PTK2B: variants seen among roughly 807,000 people sequenced by gnomAD.
The protein encoded by PTK2B is protein-tyrosine kinase 2-beta.
In PTK2B, 71 loss-of-function variants were observed where a neutral mutation model predicts 142.9. The observed-to-expected ratio is 0.50, with a 90% CI of 0.41 to 0.61. The LOEUF is 0.61. Among genes scored for constraint, PTK2B ranks in the 20% least tolerant of loss-of-function variants. The pLI is 0.00. For missense variants in PTK2B, 1,105 were observed against 1,320.4 expected, an observed-to-expected ratio of 0.84 and a Z score of 2.53; for synonymous variants, 519 against 503.4, an observed-to-expected ratio of 1.03 and a Z score of -0.42.
intron 2 of PTK2B, among the ~76,000 whole-genome samples, chr8:27,405,685 C>T (rs1327744490): frequency 6.6e-6 from 1 of 152,202 alleles, no homozygotes; most frequent in African/African-American, 2.4e-5. Flanking sequence ...AGGTTCCGGG[C>T]CTTTGTGGAT....
chr8:27,324,956 CTA>C (rs1803326571), upstream of PTK2B, among the ~76,000 whole-genome samples: 1 of 152,232 alleles, frequency 6.6e-6, no homozygotes, highest in African/African-American at 2.4e-5. Context: ...TCCAGCATCT[CTA>C]ACTATTCTTG....
chr8:27,364,390 T>G (rs1422305917), intron 1 of PTK2B, among the ~76,000 whole-genome samples: 1 of 152,246 alleles, frequency 6.6e-6, no homozygotes, highest in African/African-American at 2.4e-5. Flanking sequence ...TATTTCCAGC[T>G]TACCAGAAAC....
rs533719863 is a variant in PTK2B at position 27,422,969 on chromosome 8, C to G, written c.551+586C>G. Among the ~76,000 whole-genome samples the G allele has an allele frequency of 2.6e-5, 4 of 152,164 alleles. No homozygotes were observed. The South Asian group carries it at 8.3e-4, about 32-fold the overall frequency. ...CATCAGCAAGAGGGTATCTGAATTG[C>G]CACTGGAAGGAGGAGAAAGATTTCA... is the stretch of plus-strand genomic sequence containing the variant. On this transcript the variant is annotated intron_variant, in intron 5 of 30. Transcript: ENST00000346049.
chr8:27,321,848 G>C (rs1378849473), upstream of PTK2B, among the ~76,000 whole-genome samples: 1 of 152,164 alleles, frequency 6.6e-6, no homozygotes, highest in Non-Finnish European at 1.5e-5. Flanking sequence ...GCATGATTTT[G>C]AGTTCTATTC....
At position 27,343,237 on chromosome 8, in the gene PTK2B, G is replaced by A. The variant is rs146272124; in HGVS notation, c.-38+17556G>A. On this transcript the variant is annotated intron_variant, in intron 1 of 30. Transcript: ENST00000346049. ...TTGTTTGTTTGTTTATTTTTTGCTC[G>A]TTCTTGTACATCTTCCAGATCCACC... Among the ~76,000 whole-genome samples, 94 of 152,134 alleles carry A rather than the reference G, an allele frequency of 6.2e-4. 1 individual carries two copies. The highest frequency in any genetic ancestry group is 3.4e-3 in the Middle Eastern group (1 of 294).
At chr8:27,453,304 C>G in intron 28 of PTK2B, 144 bp downstream of exon 28, 71 of 989,336 alleles carry the variant, frequency 7.2e-5, no homozygotes, top group African/African-American at 1.1e-4. Flanking sequence ...GGTTAGGGGG[C>G]GGGTGGCGGG....
At position 27,430,962 on chromosome 8, in the gene PTK2B, C is replaced by T; in HGVS notation, c.756C>T (p.Asn252=). Reference sequence around the variant, plus strand: ...AGGAGTGCGTCATGAAGTTCTTCAACACTCTCGCCGGCTTCGCCAACATCG... The same window carrying T: ...AGGAGTGCGTCATGAAGTTCTTCAATACTCTCGCCGGCTTCGCCAACATCG... ...REEECVMKFF[N]TLAGFANIDQ... The change falls in exon 8 of 31, where the codon AAC becomes AAT. Residue 252 remains asparagine (N), a synonymous_variant. Coordinates refer to ENST00000346049, the MANE Select transcript of PTK2B (RefSeq NM_173176.3). 1.2e-6 allele frequency: 2 copies of T among 1,614,190 alleles called. No individual in the cohort carries two copies. Among genetic ancestry groups the T allele is most frequent in the Non-Finnish European group, 1.7e-6 (2 of 1,180,032 alleles).
chr8:27,452,413 A>G (rs1811871352), intron 27 of PTK2B: 1 of 152,358 alleles, frequency 6.6e-6, no homozygotes, highest in Non-Finnish European at 1.5e-5. Flanking sequence ...TCTACAAAAG[A>G]TTAAGAAAAT....
upstream of PTK2B, chr8:27,325,544 C>T (rs1803356112): frequency 1.3e-5 from 2 of 152,452 alleles, no homozygotes; most frequent in Non-Finnish European, 2.9e-5. Context: ...AGAATCTAAC[C>T]TGTCAGCCCT....
chr8:27,361,369 C>T (rs1036164733), intron 1 of PTK2B, among the ~76,000 whole-genome samples: 15 of 152,156 alleles, frequency 9.9e-5, no homozygotes, highest in Admixed American at 3.9e-4. Context: ...CAGGCATGCA[C>T]CACCATGCCT....
chr8:27,457,333 A>G (rs575901898), intron 30 of PTK2B, among the ~76,000 whole-genome samples: 5 of 152,350 alleles, frequency 3.3e-5, no homozygotes, highest in South Asian at 4.1e-4. Flanking sequence ...AAAAAAGACT[A>G]TCTTCAAATA....
chr8:27,333,355 G>A (rs1461322737), intron 1 of PTK2B, among the ~76,000 whole-genome samples: 1 of 152,238 alleles, frequency 6.6e-6, no homozygotes, highest in African/African-American at 2.4e-5. Flanking sequence ...GGCAGTAGGA[G>A]CTGTTGACCA....
At position 27,439,529 on chromosome 8, in the gene PTK2B, C is replaced by A. The variant is rs188960248; in HGVS notation, c.1834+131C>A. 4.4e-5 allele frequency: 45 copies of A among 1,030,708 alleles called. No individual in the cohort carries two copies. In the African/African-American group the frequency reaches 6.0e-4, roughly 14 times the overall value. 63.8% of individuals were successfully genotyped at this position (1,030,708 alleles called of 1,614,324 possible). On this transcript the variant is annotated intron_variant, in intron 20 of 30. Transcript: ENST00000346049. ...TCCCAGGGTTCTATTTTGCTGTGGC[C>A]ACTGAGAAGTCTCAGAGGTGGGGAG...
At chr8:27,399,578 G>A (rs1237310393) in intron 2 of PTK2B, among the ~76,000 whole-genome samples, 1 of 152,172 alleles carries the variant, frequency 6.6e-6, no homozygotes, top group East Asian at 1.9e-4. Flanking sequence ...GATATACCCT[G>A]CTGGGTGTTT....
chr8:27,434,088 C>A lies in PTK2B; in HGVS notation c.1106-5C>A. 1 of 1,614,072 alleles carries A rather than the reference C, an allele frequency of 6.2e-7. No homozygotes were observed. The highest frequency in any genetic ancestry group is 8.5e-7 in the Non-Finnish European group (1 of 1,179,952). The stretch of plus-strand genomic sequence containing the variant: ...CCAACCTCCTCCTTCCTCCTCTCTT[C>A]CTAGATGGTGAGAAGCGGAACAGCC... On this transcript the variant is annotated splice_region_variant and splice_polypyrimidine_tract_variant and intron_variant, in intron 11 of 30. Transcript: ENST00000346049.
upstream of PTK2B, chr8:27,310,780 C>A (rs1392763059): frequency 4.5e-6 from 7 of 1,552,996 alleles, no homozygotes; most frequent in African/African-American, 5.5e-5. Context: ...TCGGCCGCCT[C>A]GTGCAAATCG....
At chr8:27,431,245 G>C (rs1810399146) in intron 8 of PTK2B, 153 bp from the exon 9 acceptor site, 1 of 1,519,588 alleles carries the variant, frequency 6.6e-7, no homozygotes, top group Admixed American at 2.0e-5. Flanking sequence ...AAGGTGTCAG[G>C]AGGGGAAGAT....
At chr8:27,377,794 C>T (rs143210275) in intron 1 of PTK2B, among the ~76,000 whole-genome samples, 1 of 152,130 alleles carries the variant, frequency 6.6e-6, no homozygotes, top group East Asian at 1.9e-4. Flanking sequence ...CTGGAAGGAG[C>T]CTCCCCCAAG....
chr8:27,363,544 G>A lies in PTK2B; in HGVS notation c.-37-34004G>A, dbSNP rs538294505. ...AGGAAGTGGGCAAGAGGGAGTGCCC[G>A]CATGGTCTGGGATGCAGGGAATGGA... On this transcript the variant is annotated intron_variant, in intron 1 of 30. Coordinates refer to ENST00000346049, the MANE Select transcript of PTK2B (RefSeq NM_173176.3). The surrounding 1 kb of genome is among the most constrained non-coding windows in gnomAD (Gnocchi z 4.3). 7.2e-5 allele frequency among the ~76,000 whole-genome samples: 11 copies of A among 152,244 alleles called. No homozygotes were observed. Among genetic ancestry groups the A allele is most frequent in the African/African-American group, 1.4e-4 (6 of 41,558 alleles).
Sources: allele counts gnomAD v4.1 joint callset (sites outside exome capture counted in the v4.1 genomes callset), GRCh38; gene constraint gnomAD v4.1.1; non-coding constraint Gnocchi (gnomAD v3.1); transcripts MANE v1.5; gene names NCBI Gene and HGNC (gene_info 2026-07-23, HGNC 2026-07-21).